The following CDH4 variants were observed in gnomAD, a reference collection of about 807,000 sequenced individuals.
The protein encoded by CDH4 is cadherin-4.
CDH4 carries 33 observed loss-of-function variants against 86.0 expected under a neutral mutation model. That is an observed-to-expected ratio of 0.38 (90% CI 0.29 to 0.51). The LOEUF (loss-of-function observed/expected upper bound fraction) is 0.51, where lower values mean the gene tolerates loss of function less well. CDH4 is among the 20% of genes least tolerant of loss of function. The pLI, the probability that CDH4 is intolerant of heterozygous loss-of-function variation, is 0.86. For missense variants in CDH4, 1,114 were observed against 1,307.4 expected, an observed-to-expected ratio of 0.85 and a Z score of 2.28; for synonymous variants, 555 against 549.4, an observed-to-expected ratio of 1.01 and a Z score of -0.14.
chr20:61,599,064 C>A (rs2086578070), intron 2 of CDH4, among the ~76,000 whole-genome samples: 1 of 152,202 alleles, frequency 6.6e-6, no homozygotes, highest in African/African-American at 2.4e-5. Flanking sequence ...CTTCTTGACA[C>A]CACGTCCCTG....
intron 2 of CDH4, among the ~76,000 whole-genome samples, chr20:61,371,010 C>A (rs575804280): frequency 1.3e-5 from 2 of 152,346 alleles, no homozygotes; most frequent in Middle Eastern, 3.4e-3. Flanking sequence ...GGGAACGGGG[C>A]GGGAGCGCGC....
chr20:61,588,898 G>A (rs550915228), intron 2 of CDH4, among the ~76,000 whole-genome samples: 2 of 152,278 alleles, frequency 1.3e-5, no homozygotes, highest in Admixed American at 6.5e-5. Context: ...CTGAGACCTC[G>A]TCCTGTTTCA....
chr20:61,403,319 G>C (rs779364863), intron 2 of CDH4, among the ~76,000 whole-genome samples: 1 of 152,176 alleles, frequency 6.6e-6, no homozygotes, highest in Non-Finnish European at 1.5e-5. Context: ...TGGGTTTGAG[G>C]GTGTTTCCTT....
At chr20:61,296,159 T>C (rs1219498978) in intron 2 of CDH4, among the ~76,000 whole-genome samples, 2 of 151,972 alleles carry the variant, frequency 1.3e-5, no homozygotes, top group Admixed American at 6.6e-5. Flanking sequence ...GCTGGAACTT[T>C]AGAGTTGTCG....
intron 2 of CDH4, among the ~76,000 whole-genome samples, chr20:61,730,347 C>A (rs1006306582): frequency 2.0e-5 from 3 of 152,150 alleles, no homozygotes; most frequent in African/African-American, 7.2e-5. Context: ...TCCCACGGTC[C>A]TTTCACTGTC....
chr20:61,795,945 G>C (rs957382045), intron 4 of CDH4, among the ~76,000 whole-genome samples: 1 of 152,180 alleles, frequency 6.6e-6, no homozygotes, highest in Non-Finnish European at 1.5e-5. Flanking sequence ...CCTTTGCTGA[G>C]CTTTCAGGCA....
At chr20:61,298,706 C>A (rs865936640) in intron 2 of CDH4, among the ~76,000 whole-genome samples, 740 of 130,510 alleles carry the variant, frequency 5.7e-3, no homozygotes, top group Admixed American at 6.3e-3. Context: ...TTTCTCTTGC[C>A]AAAAAAAAAA....
chr20:61,308,201 G>A (rs1010736993), intron 2 of CDH4, among the ~76,000 whole-genome samples: 18 of 152,206 alleles, frequency 1.2e-4, no homozygotes, highest in Non-Finnish European at 2.4e-4. Flanking sequence ...GGTTTTGAAT[G>A]TATGTAGCAT....
intron 2 of CDH4, among the ~76,000 whole-genome samples, chr20:61,602,062 CG>C (rs963395227): frequency 6.6e-6 from 1 of 152,140 alleles, no homozygotes; most frequent in African/African-American, 2.4e-5. Context: ...GCACCTTCTC[CG>C]GGGGTGGAGC....
At chr20:61,402,944 C>T (rs1439728690) in intron 2 of CDH4, among the ~76,000 whole-genome samples, 2 of 152,194 alleles carry the variant, frequency 1.3e-5, no homozygotes, top group African/African-American at 4.8e-5. Context: ...CAATAATCCA[C>T]CCAACAAAAA....
At chr20:61,850,518 C>T (rs1215990394) in intron 5 of CDH4, among the ~76,000 whole-genome samples, 1 of 152,226 alleles carries the variant, frequency 6.6e-6, no homozygotes, top group African/African-American at 2.4e-5. Context: ...AGATCCCACA[C>T]ACATCTGGAC....
chr20:61,534,509 G>C (rs563237169), intron 2 of CDH4, among the ~76,000 whole-genome samples: 4 of 152,258 alleles, frequency 2.6e-5, no homozygotes, highest in South Asian at 2.1e-4. Context: ...GAGCCTGGAA[G>C]AGCTCCCAGC....
At chr20:61,610,409 C>T (rs2086676002) in intron 2 of CDH4, among the ~76,000 whole-genome samples, 1 of 152,206 alleles carries the variant, frequency 6.6e-6, no homozygotes, top group African/African-American at 2.4e-5. Context: ...TTGATGGACA[C>T]CAAAGTTGAT....
chr20:61,570,166 G>C (rs772263448), intron 2 of CDH4: 5 of 157,742 alleles, frequency 3.2e-5, no homozygotes, highest in Non-Finnish European at 5.6e-5. Context: ...GAGCACTGTA[G>C]AAGGTTCTGG....
chr20:61,330,868 C>T (rs1162196887), intron 2 of CDH4, among the ~76,000 whole-genome samples: 3 of 152,168 alleles, frequency 2.0e-5, no homozygotes, highest in African/African-American at 7.2e-5. Flanking sequence ...AGAATATTCC[C>T]AAATGATAAA....
chr20:61,749,703 T>C (rs2088464841), intron 3 of CDH4, among the ~76,000 whole-genome samples: 1 of 152,094 alleles, frequency 6.6e-6, no homozygotes, highest in African/African-American at 2.4e-5. Context: ...ACTACTGGGA[T>C]GTAGCTAAAG....
At chr20:61,335,531 G>T (rs557139225) in intron 2 of CDH4, among the ~76,000 whole-genome samples, 1 of 152,320 alleles carries the variant, frequency 6.6e-6, no homozygotes, top group African/African-American at 2.4e-5. Context: ...GACCCTAATT[G>T]CACCAGCAGT....
At chr20:61,921,569 T>C (rs1253579902) in intron 9 of CDH4, among the ~76,000 whole-genome samples, 2 of 152,150 alleles carry the variant, frequency 1.3e-5, no homozygotes, top group African/African-American at 2.4e-5. Flanking sequence ...CTGGTCAACA[T>C]AGTGAAACCT....
chr20:61,888,520 T>G (rs987175370), intron 7 of CDH4, among the ~76,000 whole-genome samples: 1 of 152,180 alleles, frequency 6.6e-6, no homozygotes, highest in African/African-American at 2.4e-5. Context: ...CACAGAAACC[T>G]TGGGGAAGGG....
Sources: gnomAD v4.1 joint callset for allele counts (sites outside exome capture counted in the v4.1 genomes callset) on GRCh38, gnomAD v4.1.1 for gene constraint, MANE v1.5 for transcripts, NCBI Gene and HGNC (gene_info 2026-07-23, HGNC 2026-07-21) for gene names.